Variants in NAV3 observed in about 807,000 individuals in gnomAD.
The protein encoded by NAV3 is pore membrane and/or filament interacting like protein 1.
In NAV3, 87 loss-of-function variants were observed where a neutral mutation model predicts 244.7. The observed-to-expected ratio is 0.36, with a 90% CI of 0.30 to 0.42. The LOEUF (loss-of-function observed/expected upper bound fraction) is 0.42, where lower values mean the gene tolerates loss of function less well. Ranked by LOEUF, NAV3 falls within the 20% of genes least tolerant of loss-of-function variation. NAV3 has a pLI of 1.00. For missense variants in NAV3, 2,663 were observed against 2,893.3 expected (o/e 0.92, Z 1.83); for synonymous variants, 1,126 against 1,042.2 (o/e 1.08, Z -1.55).
At chr12:77,826,775 AGT>A (rs1873048297), upstream of NAV3, among the ~76,000 whole-genome samples, 1 of 152,216 alleles carries the variant, frequency 6.6e-6, no homozygotes, top group South Asian at 2.1e-4. Context: ...CTGTGTTGAG[AGT>A]GAGACATTAT....
chr12:77,792,272 A>C (rs1489349760), intron 2 of NAV3, among the ~76,000 whole-genome samples: 14 of 152,236 alleles, frequency 9.2e-5, no homozygotes, highest in Non-Finnish European at 2.1e-4. Flanking sequence ...GAAATAAAAC[A>C]ACCTTTGCTT....
In NAV3 at chr12:77,923,274, T is replaced by A. The variant is rs370014466; in HGVS notation, c.244-17045T>A. ...TCTATCGCTCCAGTATTCTACCAGC[T>A]TGATTATGATAGTGAAGAATTTTGA... On this transcript the variant is annotated intron_variant, in intron 1 of 39. Coordinates refer to ENST00000397909, the MANE Select transcript of NAV3 (RefSeq NM_001024383.2). Among the ~76,000 whole-genome samples the A allele has an allele frequency of 2.0e-5, 3 of 152,144 alleles. No homozygotes were observed. The East Asian group carries it at 5.8e-4, about 29-fold the overall frequency.
At position 77,580,247 on chromosome 12, in the gene NAV3, C is replaced by CAT. The variant is rs1441524195; in HGVS notation, c.72+7982_72+7983insTA. Reference sequence around the variant, plus strand: ...ACACACACACACACACACACACACACACACACACACACACAAAGATGGAAG... The same window carrying CAT: ...ACACACACACACACACACACACACACATACACACACACACACAAAGATGGAAG... On this transcript the variant is annotated intron_variant, in intron 2 of 8. Coordinates refer to the NAV3 transcript ENST00000550042. Among the ~76,000 whole-genome samples the CAT allele has an allele frequency of 5.1e-5, 6 of 117,260 alleles. 1 individual carries two copies. The highest frequency in any genetic ancestry group is 1.8e-4 in the African/African-American group (6 of 34,166). The allele number at this position is 117,260 out of a possible 152,430, so 76.9% of individuals were successfully genotyped here.
intron 1 of NAV3, among the ~76,000 whole-genome samples, chr12:77,932,214 C>T (rs769672818): frequency 1.3e-5 from 2 of 152,098 alleles, no homozygotes; most frequent in Non-Finnish European, 2.9e-5. Flanking sequence ...CATTTCCATG[C>T]CTTTACCTTT....
At chr12:77,678,227 T>G (rs912164713) in intron 2 of NAV3, among the ~76,000 whole-genome samples, 2 of 152,192 alleles carry the variant, frequency 1.3e-5, no homozygotes, top group African/African-American at 4.8e-5. Context: ...ACAGTAATGT[T>G]ATATTTTAAA....
intron 1 of NAV3, among the ~76,000 whole-genome samples, chr12:77,840,862 A>G (rs1346968196): frequency 6.6e-6 from 1 of 152,224 alleles, no homozygotes; most frequent in Non-Finnish European, 1.5e-5. Context: ...ACAACAATGT[A>G]TAGACAATCA....
intron 2 of NAV3, among the ~76,000 whole-genome samples, chr12:77,793,902 G>A (rs898800675): frequency 6.6e-6 from 1 of 152,294 alleles, no homozygotes. Context: ...TCACCACAAT[G>A]TCTTCCATAA....
intron 2 of NAV3, among the ~76,000 whole-genome samples, chr12:77,789,834 A>C (rs1361937447): frequency 6.8e-6 from 1 of 146,482 alleles, no homozygotes; most frequent in East Asian, 2.0e-4. Context: ...AAAAAAAAAA[A>C]AAGAGAACAA....
intron 2 of NAV3, among the ~76,000 whole-genome samples, chr12:77,728,854 C>A (rs527267810): frequency 4.6e-4 from 9 of 19,470 alleles, no homozygotes; most frequent in African/African-American, 3.4e-3. Flanking sequence ...CCCCTTCTAC[C>A]CGCTTCACTT....
At chr12:78,161,300 TCTTTTTCC>T (rs1219736299) in intron 23 of NAV3, among the ~76,000 whole-genome samples, 1 of 152,148 alleles carries the variant, frequency 6.6e-6, no homozygotes, top group South Asian at 2.1e-4. Flanking sequence ...TTTACATTTC[TCTTTTTCC>T]CTTGAAAATT....
At chr12:77,908,100 T>C (rs539218551) in intron 1 of NAV3, among the ~76,000 whole-genome samples, 56 of 152,224 alleles carry the variant, frequency 3.7e-4, no homozygotes, top group African/African-American at 1.3e-3. Flanking sequence ...ATTTACTATA[T>C]TTTATTATTT....
At chr12:77,779,143 C>T (rs1218554160) in intron 2 of NAV3, among the ~76,000 whole-genome samples, 1 of 152,130 alleles carries the variant, frequency 6.6e-6, no homozygotes, top group Non-Finnish European at 1.5e-5. Flanking sequence ...GTTTCCGCTA[C>T]AAATATTGGT....
chr12:78,177,600 C>CT lies in NAV3; in HGVS notation c.5298-19dup, dbSNP rs1280403064. ...CATGGGCATTTGTCCATGTATCTGT[C>CT]TAACTGTATGTACATACAGGTCACC... is the stretch of plus-strand genomic sequence containing the variant. On this transcript the variant is annotated intron_variant, in intron 27 of 39. Coordinates refer to ENST00000397909, the MANE Select transcript of NAV3 (RefSeq NM_001024383.2). The CT allele has an allele frequency of 6.3e-7, 1 of 1,592,794 alleles. No homozygotes were observed. The highest frequency in any genetic ancestry group is 1.3e-5 in the African/African-American group (1 of 74,726).
intron 2 of NAV3, among the ~76,000 whole-genome samples, chr12:77,643,257 T>C (rs73133985): frequency 0.031 from 4,753 of 152,102 alleles, 105 homozygotes; most frequent in Non-Finnish European, 0.047. Context: ...TAAATTCATA[T>C]AGAAAACCTA....
chr12:78,058,569 A>G (rs1883858199), intron 11 of NAV3, among the ~76,000 whole-genome samples: 2 of 152,326 alleles, frequency 1.3e-5, no homozygotes, highest in South Asian at 4.1e-4. Context: ...ATAGAATTCT[A>G]GGAAGATGGC....
intron 1 of NAV3, among the ~76,000 whole-genome samples, chr12:77,874,455 C>G (rs1156482486): frequency 1.3e-5 from 2 of 152,076 alleles, no homozygotes; most frequent in Non-Finnish European, 2.9e-5. Context: ...AGCAGTCCTT[C>G]CTGCCTCAGC....
chr12:77,676,949 A>G (rs1874235301), intron 2 of NAV3, among the ~76,000 whole-genome samples: 1 of 152,190 alleles, frequency 6.6e-6, no homozygotes, highest in Non-Finnish European at 1.5e-5. Context: ...TTAGATCCCC[A>G]GAATTGAAAT....
Position 77,831,579 on chromosome 12 carries a change from A to C in NAV3, c.118A>C (p.Arg40=). 6.2e-7 allele frequency: 1 copy of C among 1,614,130 alleles called. No individual in the cohort carries two copies. The highest frequency in any genetic ancestry group is 1.7e-5 in the Admixed American group (1 of 60,020). The change falls in exon 1 of 40, where the codon AGA becomes CGA. Residue 40 remains arginine, a synonymous_variant. Transcript: ENST00000397909. ...TACTGGGTCACAGCACTGTTCTTCA[A>C]GACCTTTGGAACTTACTGAAACAGA... is the stretch of plus-strand genomic sequence containing the variant. The part of the protein sequence containing the change: ...GTTGSQHCSS[R]PLELTETESS...
At chr12:78,056,339 C>T (rs1883501699) in intron 11 of NAV3, 1 of 152,178 alleles carries the variant, frequency 6.6e-6, no homozygotes, top group Non-Finnish European at 1.5e-5. Context: ...GCCCCAAAAT[C>T]TCAGCCTAGA....
Sources: gnomAD v4.1 joint callset for allele counts (sites outside exome capture counted in the v4.1 genomes callset) on GRCh38, gnomAD v4.1.1 for gene constraint, MANE v1.5 for transcripts, NCBI Gene and HGNC (gene_info 2026-07-23, HGNC 2026-07-21) for gene names.